Variants in SOX5 observed in about 807,000 individuals in gnomAD.
The protein encoded by SOX5 is SRY-box transcription factor 5, also known as transcription factor SOX-5.
A neutral mutation model predicts 92.0 loss-of-function variants in SOX5; 9 were observed. The observed-to-expected ratio is 0.10, with a 90% CI of 0.06 to 0.17. The LOEUF (loss-of-function observed/expected upper bound fraction) is 0.17. Among genes scored for constraint, SOX5 ranks in the 10% least tolerant of loss-of-function variants. The probability of loss-of-function intolerance (pLI) is 1.00; values close to 1 mark genes in which losing one functional copy is unlikely to be tolerated. For synonymous variants in SOX5, 344 were observed against 336.3 expected (o/e 1.02, Z -0.25); for missense variants, 642 against 944.5 (o/e 0.68, Z 4.20).
At chr12:23,886,570 C>A (rs537931990) in intron 2 of SOX5, among the ~76,000 whole-genome samples, 6 of 151,738 alleles carry the variant, frequency 4.0e-5, no homozygotes, top group Admixed American at 3.9e-4. Flanking sequence ...AGGTGGCTGT[C>A]ATTTGAAAGT....
chr12:23,942,049 G>A (rs1943751486), intron 1 of SOX5, among the ~76,000 whole-genome samples: 1 of 151,542 alleles, frequency 6.6e-6, no homozygotes, highest in South Asian at 2.1e-4. Context: ...ACCAAAGGAA[G>A]AATTGTAGGC....
At chr12:24,441,709 G>A (rs553643764) in intron 1 of SOX5, among the ~76,000 whole-genome samples, 2 of 152,018 alleles carry the variant, frequency 1.3e-5, no homozygotes, top group Non-Finnish European at 2.9e-5. Flanking sequence ...AACAATGGGG[G>A]GAAAAAGAAA....
At chr12:24,065,758 A>G (rs1410693360) in intron 4 of SOX5, among the ~76,000 whole-genome samples, 1 of 152,142 alleles carries the variant, frequency 6.6e-6, no homozygotes, top group East Asian at 1.9e-4. Context: ...TACAATGACC[A>G]ATGTCAACCA....
chr12:23,986,345 A>T (rs1950058669), intron 4 of SOX5, among the ~76,000 whole-genome samples: 1 of 152,122 alleles, frequency 6.6e-6, no homozygotes, highest in Non-Finnish European at 1.5e-5. Flanking sequence ...TTTGCAGGGA[A>T]ACAAACAAAC....
At chr12:24,303,219 T>C (rs115995442) in intron 2 of SOX5, among the ~76,000 whole-genome samples, 3,149 of 152,268 alleles carry the variant, frequency 0.021, 90 homozygotes, top group African/African-American at 0.065. Context: ...TAAAATATCA[T>C]TAAAAATGAG....
intron 3 of SOX5, among the ~76,000 whole-genome samples, chr12:23,783,839 C>T (rs1219877650): frequency 6.6e-6 from 1 of 152,156 alleles, no homozygotes; most frequent in African/African-American, 2.4e-5. Context: ...GCAACAAATA[C>T]AGATAATTTA....
intron 1 of SOX5, among the ~76,000 whole-genome samples, chr12:24,373,775 A>C (rs1248546492): frequency 6.6e-6 from 1 of 152,212 alleles, no homozygotes; most frequent in Non-Finnish European, 1.5e-5. Context: ...GGTGACTGCC[A>C]CTCGTAACAG....
At chr12:24,035,894 G>A (rs1389728959) in intron 4 of SOX5, among the ~76,000 whole-genome samples, 2 of 151,816 alleles carry the variant, frequency 1.3e-5, no homozygotes, top group African/African-American at 4.8e-5. Context: ...TCCATGTCTG[G>A]GTGATTATCC....
intron 6 of SOX5, among the ~76,000 whole-genome samples, chr12:23,710,238 G>GAT (rs2091903582): frequency 6.6e-6 from 1 of 151,622 alleles, no homozygotes; most frequent in Non-Finnish European, 1.5e-5. Flanking sequence ...TGCAATATAT[G>GAT]ATATATATTT....
At chr12:24,112,911 T>G (rs1386917956) in intron 4 of SOX5, among the ~76,000 whole-genome samples, 1 of 152,014 alleles carries the variant, frequency 6.6e-6, no homozygotes, top group Non-Finnish European at 1.5e-5. Context: ...GGTTCCATTT[T>G]TTTTCAATAT....
At chr12:23,640,266 C>T (rs1248379410) in intron 8 of SOX5, among the ~76,000 whole-genome samples, 4 of 152,170 alleles carry the variant, frequency 2.6e-5, no homozygotes, top group South Asian at 2.1e-4. Context: ...ATATATATTT[C>T]GCACGGCTAG....
In SOX5 at chr12:24,351,364, T is replaced by G. The variant is rs563057005; in HGVS notation, c.-174+17199A>C. On this transcript the variant is annotated intron_variant, in intron 2 of 4. Coordinates refer to the SOX5 transcript ENST00000446891. The stretch of plus-strand genomic sequence containing the variant: ...TTTGACCCAGAACAGACACGTAAAT[T>G]ATCGAATATCTCTATCAGTGATTAT... 3.3e-5 allele frequency among the ~76,000 whole-genome samples: 5 copies of G among 152,300 alleles called. No individual in the cohort carries two copies. In the East Asian group the frequency reaches 9.6e-4, roughly 29 times the overall value.
chr12:24,248,599 G>A (rs1314163790), intron 3 of SOX5, among the ~76,000 whole-genome samples: 1 of 152,098 alleles, frequency 6.6e-6, no homozygotes, highest in African/African-American at 2.4e-5. Context: ...TGGCCAGGCT[G>A]GTCTCTAAAT....
At chr12:23,938,969 C>T (rs1048530993) in intron 1 of SOX5, among the ~76,000 whole-genome samples, 1 of 150,994 alleles carries the variant, frequency 6.6e-6, no homozygotes, top group Non-Finnish European at 1.5e-5. Flanking sequence ...GATCATTTTA[C>T]ATTTGCCAAA....
chr12:23,818,010 C>T (rs1344762975), intron 3 of SOX5, among the ~76,000 whole-genome samples: 1 of 152,134 alleles, frequency 6.6e-6, no homozygotes, highest in Admixed American at 6.5e-5. Flanking sequence ...ATATTGACTC[C>T]TTCTTGGGCA....
chr12:23,565,565 T>C (rs748622905), intron 10 of SOX5, among the ~76,000 whole-genome samples: 3 of 152,116 alleles, frequency 2.0e-5, no homozygotes, highest in Non-Finnish European at 2.9e-5. Context: ...CAAGATAACA[T>C]TGTGTAGGAA....
intron 3 of SOX5, among the ~76,000 whole-genome samples, chr12:24,265,097 T>C (rs1450781490): frequency 2.0e-5 from 3 of 152,222 alleles, no homozygotes; most frequent in Admixed American, 2.0e-4. Flanking sequence ...ATCACTGTTA[T>C]AGCATATTAT....
intron 7 of SOX5, among the ~76,000 whole-genome samples, chr12:23,664,437 A>G (rs915488105): frequency 1.3e-5 from 2 of 152,108 alleles, no homozygotes; most frequent in Non-Finnish European, 2.9e-5. Flanking sequence ...ATCAATGAAA[A>G]TATTTCAATG....
At chr12:24,109,999 G>C (rs1947131508) in intron 4 of SOX5, among the ~76,000 whole-genome samples, 1 of 152,104 alleles carries the variant, frequency 6.6e-6, no homozygotes, top group Non-Finnish European at 1.5e-5. Context: ...ATAATGATGA[G>C]GTTTCAACAT....
Sources: allele counts gnomAD v4.1 joint callset (sites outside exome capture counted in the v4.1 genomes callset), GRCh38; gene constraint gnomAD v4.1.1; transcripts MANE v1.5; gene names NCBI Gene and HGNC (gene_info 2026-07-23, HGNC 2026-07-21).